CTNNA3: variants seen among roughly 807,000 people sequenced by gnomAD.
CTNNA3 encodes catenin alpha-3.
CTNNA3 carries 76 observed loss-of-function variants against 95.7 expected under a neutral mutation model. The observed-to-expected ratio is 0.79, with a 90% CI of 0.66 to 0.96. The LOEUF (loss-of-function observed/expected upper bound fraction) is 0.96. Ranked by LOEUF, CTNNA3 falls within the 40% of genes least tolerant of loss-of-function variation. The probability of loss-of-function intolerance (pLI) is 0.00; values close to 1 mark genes in which losing one functional copy is unlikely to be tolerated. For synonymous variants in CTNNA3, 431 were observed against 374.4 expected (o/e 1.15, Z -1.74); for missense variants, 1,191 against 1,089.8 (o/e 1.09, Z -1.31).
chr10:67,441,559 C>G (rs1846517213), intron 5 of CTNNA3, among the ~76,000 whole-genome samples: 1 of 151,880 alleles, frequency 6.6e-6, no homozygotes, highest in Non-Finnish European at 1.5e-5. Flanking sequence ...CCTAAAAGCA[C>G]CAAAAGAAAA....
intron 7 of CTNNA3, among the ~76,000 whole-genome samples, chr10:66,910,548 G>A (rs1242936191): frequency 1.3e-5 from 2 of 152,130 alleles, no homozygotes; most frequent in Non-Finnish European, 1.5e-5. Context: ...ATTTTAAACA[G>A]AAAACTATCA....
chr10:67,417,542 G>T (rs1222810990), intron 5 of CTNNA3, among the ~76,000 whole-genome samples: 2 of 152,126 alleles, frequency 1.3e-5, no homozygotes, highest in Middle Eastern at 3.2e-3. Flanking sequence ...TACCCTAAAA[G>T]TCCTTATAGA....
intron 1 of CTNNA3, among the ~76,000 whole-genome samples, chr10:67,727,821 A>G (rs1589583086): frequency 7.7e-6 from 1 of 129,578 alleles, no homozygotes; most frequent in African/African-American, 2.9e-5. Context: ...TATATCATAT[A>G]TTATATTACA....
At chr10:66,685,677 C>T (rs1308330525) in intron 9 of CTNNA3, among the ~76,000 whole-genome samples, 1 of 151,538 alleles carries the variant, frequency 6.6e-6, no homozygotes, top group Admixed American at 6.6e-5. Context: ...AGGCCAAGAA[C>T]CATATTTTTT....
intron 10 of CTNNA3, among the ~76,000 whole-genome samples, chr10:66,535,995 C>G (rs1309136302): frequency 6.6e-6 from 1 of 152,012 alleles, no homozygotes; most frequent in Non-Finnish European, 1.5e-5. Context: ...TAAAATATTG[C>G]AGCAAATCTA....
At chr10:67,695,073 GA>G (rs1840937960) in intron 1 of CTNNA3, among the ~76,000 whole-genome samples, 1 of 152,154 alleles carries the variant, frequency 6.6e-6, no homozygotes, top group African/African-American at 2.4e-5. Context: ...TGGATAATCT[GA>G]ATCTTCAAAT....
intron 11 of CTNNA3, among the ~76,000 whole-genome samples, chr10:66,380,795 T>A (rs2092832675): frequency 6.6e-6 from 1 of 151,956 alleles, no homozygotes; most frequent in Admixed American, 6.6e-5. Context: ...AAAGAAATAG[T>A]CATTAAAGAT....
intron 7 of CTNNA3, among the ~76,000 whole-genome samples, chr10:66,830,369 T>C (rs1842671585): frequency 6.6e-6 from 1 of 152,208 alleles, no homozygotes; most frequent in Admixed American, 6.5e-5. Context: ...GGTTTTTCTT[T>C]CCTAGAGTTT....
rs147692075 is a variant in CTNNA3, at chr10:66,735,635, T to C, written c.1281+30629A>G. ...TTTTGTTTGAAATAACCAGAGTTGA[T>C]TAAGTTATCAACTCTTCTGATACCT... On this transcript the variant is annotated intron_variant, in intron 9 of 17. Coordinates refer to ENST00000433211, the MANE Select transcript of CTNNA3 (RefSeq NM_013266.4). 1.6e-3 allele frequency among the ~76,000 whole-genome samples: 246 copies of C among 152,308 alleles called. 1 individual carries two copies. Among genetic ancestry groups the C allele is most frequent in the African/African-American group, 5.6e-3 (231 of 41,584 alleles).
chr10:66,565,950 G>C (rs187881488), intron 10 of CTNNA3, among the ~76,000 whole-genome samples: 2 of 152,164 alleles, frequency 1.3e-5, no homozygotes, highest in African/African-American at 4.8e-5. Flanking sequence ...AAGAAAAAAA[G>C]GAAATGAGGT....
intron 11 of CTNNA3, among the ~76,000 whole-genome samples, chr10:66,429,248 T>G (rs1402422535): frequency 6.6e-6 from 1 of 152,104 alleles, no homozygotes; most frequent in African/African-American, 2.4e-5. Flanking sequence ...ACTCTGAAAT[T>G]GACGCAATAA....
In CTNNA3 at chr10:66,116,405, C is replaced by T. The variant is rs148357183; in HGVS notation, c.1885-13156G>A. ...TATTTACCAAAGAGGAATAGAAACA[C>T]ATATTCACACAGACTTGTATACAAA... On this transcript the variant is annotated intron_variant, in intron 13 of 17. Coordinates refer to ENST00000433211, the MANE Select transcript of CTNNA3 (RefSeq NM_013266.4). Among the ~76,000 whole-genome samples the T allele has an allele frequency of 4.8e-4, 73 of 152,190 alleles. No individual in the cohort carries two copies. The South Asian group carries it at 7.7e-3, about 16-fold the overall frequency.
intron 10 of CTNNA3, among the ~76,000 whole-genome samples, chr10:66,532,129 A>G (rs576141859): frequency 6.6e-6 from 1 of 152,254 alleles, no homozygotes; most frequent in South Asian, 2.1e-4. Context: ...ATTAATTGCC[A>G]AAGTGTGTTT....
At position 67,005,682 on chromosome 10, in the gene CTNNA3, C is replaced by CTTTTTTTTTTTTTTTTTTTTTTTTT. The variant is rs11369576; in HGVS notation, c.1047+174634_1047+174635insAAAAAAAAAAAAAAAAAAAAAAAAA. Among the ~76,000 whole-genome samples, 14 of 61,982 alleles carry CTTTTTTTTTTTTTTTTTTTTTTTTT rather than the reference C, an allele frequency of 2.3e-4. 3 individuals are homozygous for CTTTTTTTTTTTTTTTTTTTTTTTTT. The highest frequency in any genetic ancestry group is 2.0e-3 in the South Asian group (2 of 992). 40.7% of individuals were successfully genotyped at this position (61,982 alleles called of 152,430 possible). A position where few individuals can be genotyped will look rare whatever the true frequency, so the allele number is the denominator to read the frequency against. On this transcript the variant is annotated intron_variant, in intron 7 of 17. Coordinates refer to ENST00000433211, the MANE Select transcript of CTNNA3 (RefSeq NM_013266.4). ...AATGCTTTTGTTTATTTTACTCCAT[C>CTTTTTTTTTTTTTTTTTTTTTTTTT]TTTTTTTTTTTTTTTTTTTTTGAGA...
intron 1 of CTNNA3, among the ~76,000 whole-genome samples, chr10:67,726,349 G>GTA (rs1841216462): frequency 2.4e-5 from 1 of 41,152 alleles, no homozygotes; most frequent in South Asian, 1.3e-3. Flanking sequence ...TATAATATAT[G>GTA]ATATATATGA....
At chr10:66,404,633 T>C (rs879498831) in intron 11 of CTNNA3, among the ~76,000 whole-genome samples, 2 of 152,218 alleles carry the variant, frequency 1.3e-5, no homozygotes, top group Admixed American at 1.3e-4. Flanking sequence ...GAACAACTTA[T>C]GAATACATTC....
intron 5 of CTNNA3, among the ~76,000 whole-genome samples, chr10:67,241,768 C>T (rs7094426): frequency 0.73 from 110,951 of 152,156 alleles, 41,602 homozygotes; most frequent in African/African-American, 0.92. Context: ...TCATAAAAAG[C>T]GGTATCCCTT....
chr10:67,415,195 A>G (rs12249984), intron 5 of CTNNA3, among the ~76,000 whole-genome samples: 10,480 of 152,278 alleles, frequency 0.069, 504 homozygotes, highest in African/African-American at 0.14. Context: ...GGAATTTGAA[A>G]AAGAAAAGAA....
intron 5 of CTNNA3, among the ~76,000 whole-genome samples, chr10:67,420,278 T>A (rs1308589604): frequency 6.6e-6 from 1 of 152,258 alleles, no homozygotes; most frequent in South Asian, 2.1e-4. Flanking sequence ...CATGATAGTA[T>A]GATTTTTTAT....
Sources: gnomAD v4.1 joint callset for allele counts (sites outside exome capture counted in the v4.1 genomes callset) on GRCh38, gnomAD v4.1.1 for gene constraint, MANE v1.5 for transcripts, NCBI Gene and HGNC (gene_info 2026-07-23, HGNC 2026-07-21) for gene names.